Variants in BMPER observed in about 807,000 individuals in gnomAD.
BMPER encodes BMP-binding endothelial regulator protein.
BMPER carries 45 observed loss-of-function variants against 87.3 expected under a neutral mutation model. The ratio of observed to expected loss-of-function variants is 0.52; its 90% confidence interval spans 0.41 to 0.66. The LOEUF (loss-of-function observed/expected upper bound fraction) is 0.66, where lower values mean the gene tolerates loss of function less well. Among genes scored for constraint, BMPER ranks in the 30% least tolerant of loss-of-function variants. BMPER has a pLI of 0.00. For missense variants in BMPER, 784 were observed against 867.5 expected (o/e 0.90, Z 1.21); for synonymous variants, 326 against 316.2 (o/e 1.03, Z -0.33).
intron 13 of BMPER, among the ~76,000 whole-genome samples, chr7:34,101,952 T>A (rs1277949081): frequency 6.6e-6 from 1 of 152,228 alleles, no homozygotes; most frequent in Non-Finnish European, 1.5e-5. Flanking sequence ...GTACTTTTAC[T>A]CACCTTGTAT....
At chr7:33,963,064 A>T (rs1171116465) in intron 3 of BMPER, among the ~76,000 whole-genome samples, 1 of 152,210 alleles carries the variant, frequency 6.6e-6, no homozygotes, top group Non-Finnish European at 1.5e-5. Flanking sequence ...TGGCACCTGG[A>T]TTCTAGTGTT....
intron 13 of BMPER, among the ~76,000 whole-genome samples, chr7:34,130,682 A>G (rs1027312599): frequency 1.3e-5 from 2 of 152,188 alleles, no homozygotes; most frequent in Non-Finnish European, 2.9e-5. Context: ...GATCGCTCCC[A>G]TGGGGGTGTA....
At position 34,075,486 on chromosome 7, in the gene BMPER, A is replaced by G. The variant is rs146444404; in HGVS notation, c.1079-3371A>G. Among the ~76,000 whole-genome samples the G allele has an allele frequency of 4.1e-3, 630 of 152,304 alleles. 2 individuals carry two copies. Among genetic ancestry groups the G allele is most frequent in the Middle Eastern group, 0.017 (5 of 294 alleles). On this transcript the variant is annotated intron_variant, in intron 11 of 14. Transcript: ENST00000649409. The stretch of plus-strand genomic sequence containing the variant: ...CCCCTTTACCTGTGCATTTGTATCC[A>G]TATGTTGAAAACAACTCAAAACAAA...
chr7:34,084,964 A>G (rs191476535), intron 12 of BMPER, among the ~76,000 whole-genome samples: 1 of 152,330 alleles, frequency 6.6e-6, no homozygotes, highest in East Asian at 1.9e-4. Flanking sequence ...TCCTTGATGA[A>G]CCAGCAGTAC....
chr7:34,074,575 C>T (rs34862009), intron 11 of BMPER, among the ~76,000 whole-genome samples: 28,601 of 152,074 alleles, frequency 0.19, 2,850 homozygotes, highest in Middle Eastern at 0.26. Flanking sequence ...TCTCGTGGGG[C>T]CTGTTTCCCT....
At chr7:34,048,657 A>G (rs886877004) in intron 7 of BMPER, among the ~76,000 whole-genome samples, 2 of 152,204 alleles carry the variant, frequency 1.3e-5, no homozygotes, top group African/African-American at 4.8e-5. Flanking sequence ...GGATACGCTG[A>G]GTCAACTCAG....
At chr7:34,052,100 A>T in intron 8 of BMPER, 130 bp downstream of exon 8, 1 of 858,746 alleles carries the variant, frequency 1.2e-6, no homozygotes, top group Non-Finnish European at 1.9e-6. Flanking sequence ...CCATTTTACA[A>T]GGAAAATCAT....
At chr7:34,080,515 A>T (rs1443314469) in intron 12 of BMPER, among the ~76,000 whole-genome samples, 2 of 152,218 alleles carry the variant, frequency 1.3e-5, no homozygotes, top group Admixed American at 6.5e-5. Flanking sequence ...AGATCTACTC[A>T]TTCAAGTTTA....
intron 12 of BMPER, among the ~76,000 whole-genome samples, chr7:34,084,230 G>A (rs1027546231): frequency 6.6e-6 from 1 of 152,170 alleles, no homozygotes; most frequent in Non-Finnish European, 1.5e-5. Context: ...GAACCCGGGA[G>A]GTGGAGGTTG....
At chr7:34,070,540 T>C (rs1001839345) in intron 11 of BMPER, among the ~76,000 whole-genome samples, 1 of 152,130 alleles carries the variant, frequency 6.6e-6, no homozygotes, top group Non-Finnish European at 1.5e-5. Context: ...CACACCCCTG[T>C]CAGAACCCAA....
At chr7:34,011,812 G>C (rs141227136) in intron 6 of BMPER, among the ~76,000 whole-genome samples, 5 of 151,662 alleles carry the variant, frequency 3.3e-5, no homozygotes, top group African/African-American at 1.2e-4. Flanking sequence ...TCAGTGCTTG[G>C]GGTTTTTAAG....
intron 14 of BMPER, among the ~76,000 whole-genome samples, chr7:34,146,221 C>A (rs1791015529): frequency 6.6e-6 from 1 of 152,084 alleles, no homozygotes; most frequent in African/African-American, 2.4e-5. Context: ...CTCCCAGGTC[C>A]TTTGACTCAC....
chr7:33,961,030 G>T (rs1417754989), intron 3 of BMPER, among the ~76,000 whole-genome samples: 1 of 152,276 alleles, frequency 6.6e-6, no homozygotes, highest in East Asian at 1.9e-4. Flanking sequence ...AGGAAAGTTT[G>T]GGTGACCTAG....
chr7:34,130,266 C>T (rs1790549308), intron 13 of BMPER, among the ~76,000 whole-genome samples: 1 of 152,026 alleles, frequency 6.6e-6, no homozygotes, highest in South Asian at 2.1e-4. Context: ...GATCTGACAA[C>T]CTACTGAAAG....
chr7:33,956,441 T>C (rs1161927892), intron 3 of BMPER, among the ~76,000 whole-genome samples: 2 of 152,218 alleles, frequency 1.3e-5, no homozygotes, highest in Non-Finnish European at 2.9e-5. Flanking sequence ...CCTATCAATA[T>C]AGCTAAAAAT....
At chr7:34,068,868 C>G (rs1788663480) in intron 11 of BMPER, among the ~76,000 whole-genome samples, 1 of 152,180 alleles carries the variant, frequency 6.6e-6, no homozygotes, top group South Asian at 2.1e-4. Flanking sequence ...GAAACTGAGA[C>G]TCACAGCAGT....
At chr7:33,919,528 A>C (rs980654269) in intron 2 of BMPER, among the ~76,000 whole-genome samples, 3 of 152,200 alleles carry the variant, frequency 2.0e-5, no homozygotes, top group Non-Finnish European at 4.4e-5. Flanking sequence ...GTGGTGGGAC[A>C]GTGGTGGAGG....
intron 13 of BMPER, among the ~76,000 whole-genome samples, chr7:34,117,796 T>C (rs140832956): frequency 5.4e-4 from 82 of 152,316 alleles, no homozygotes; most frequent in Admixed American, 7.8e-4. Flanking sequence ...GAGAGGTTGC[T>C]GTTAGGCCAG....
intron 14 of BMPER, among the ~76,000 whole-genome samples, chr7:34,146,359 C>T (rs774771450): frequency 6.6e-6 from 1 of 152,096 alleles, no homozygotes; most frequent in Non-Finnish European, 1.5e-5. Context: ...TAAAGTCCAG[C>T]CTGGATTTTA....
Sources: allele counts gnomAD v4.1 joint callset (sites outside exome capture counted in the v4.1 genomes callset), GRCh38; gene constraint gnomAD v4.1.1; transcripts MANE v1.5; gene names NCBI Gene and HGNC (gene_info 2026-07-23, HGNC 2026-07-21).